The following GPC3 variants were observed in gnomAD, a reference collection of about 807,000 sequenced individuals.
GPC3 encodes glypican 3.
Under a neutral mutation model 34.4 loss-of-function variants are expected in GPC3, and 3 were observed. The ratio of observed to expected loss-of-function variants is 0.09; its 90% CI spans 0.04 to 0.23. GPC3 has a LOEUF of 0.23. Ranked by LOEUF, GPC3 falls within the 10% of genes least tolerant of loss-of-function variation. The pLI, the probability that GPC3 is intolerant of heterozygous loss-of-function variation, is 1.00. For synonymous variants in GPC3, 177 were observed against 174.0 expected, an observed-to-expected ratio of 1.02 and a Z score of -0.13; for missense variants, 351 against 445.6, an observed-to-expected ratio of 0.79 and a Z score of 1.91.
chrX:133,835,818 A>AG (rs1354035318), intron 2 of GPC3, among the ~76,000 whole-genome samples: 1 of 113,026 alleles, frequency 8.8e-6, no homozygotes, highest in Non-Finnish European at 1.9e-5. Context: ...AGGAAAAAAA[A>AG]TCATCCTTTC....
intron 2 of GPC3, among the ~76,000 whole-genome samples, chrX:133,770,297 T>G (rs1225009683): frequency 9.0e-6 from 1 of 111,035 alleles, no homozygotes; most frequent in African/African-American, 3.3e-5. Context: ...GCATGTGAGG[T>G]TCATGATTAA....
intron 4 of GPC3, among the ~76,000 whole-genome samples, chrX:133,695,376 T>C (rs1218834344): frequency 8.9e-6 from 1 of 112,218 alleles, no homozygotes; most frequent in Non-Finnish European, 1.9e-5. Flanking sequence ...CTAAGAACAA[T>C]TGAATTATAC....
In GPC3 at chrX:133,754,029, T is replaced by C. The variant is rs780431445; in HGVS notation, c.485A>G (p.Asn162Ser). The C allele has an allele frequency of 4.5e-5, 54 of 1,208,656 alleles. No homozygotes were observed. Among genetic ancestry groups the C allele is most frequent in the African/African-American group, 1.2e-4 (7 of 57,091 alleles). Residue 162 changes from asparagine to serine, a missense_variant, in exon 3 of 8, where the codon AAT becomes AGT. Physicochemically the swap from Asn to Ser is conservative, Grantham distance 46 (BLOSUM62 1). Transcript: ENST00000370818. ...CAATTCATTGACCATGTCATCTACA[T>C]TGATGTCAGAACCCAAGATGTAGAG... ...VSLYILGSDI[N>S]VDDMVNELFD...
At chrX:133,563,817 A>G (rs927976183) in intron 7 of GPC3, among the ~76,000 whole-genome samples, 2 of 112,064 alleles carry the variant, frequency 1.8e-5, no homozygotes, top group African/African-American at 6.5e-5. Context: ...GTTTTATTTA[A>G]CCAAGCTAAG....
rs756213198 is a variant in GPC3, at chrX:133,855,530, G to GATATATAT, written c.337+97512_337+97519dup. Among the ~76,000 whole-genome samples, 53 of 91,196 alleles carry GATATATAT rather than the reference G, an allele frequency of 5.8e-4. 1 individual carries two copies. The highest frequency in any genetic ancestry group is 1.8e-3 in the African/African-American group (43 of 23,974). 79.2% of individuals were successfully genotyped at this position (91,196 alleles called of 115,157 possible). ...TAAGTTATACAATATGCTGTTACAAGATATATATATATATATATAGTAAAA... is the reference window on the plus strand; with the variant it reads ...TAAGTTATACAATATGCTGTTACAAGATATATATATATATATATATATATATAGTAAAA... On this transcript the variant is annotated intron_variant, in intron 2 of 7. Transcript: ENST00000370818.
chrX:133,648,565 TC>T (rs2070567198), intron 6 of GPC3, among the ~76,000 whole-genome samples: 1 of 112,122 alleles, frequency 8.9e-6, no homozygotes, highest in African/African-American at 3.2e-5. Flanking sequence ...TGTTAACTGA[TC>T]TGACCATGTC....
At chrX:133,717,664 A>G (rs1190773960) in intron 3 of GPC3, among the ~76,000 whole-genome samples, 1 of 110,635 alleles carries the variant, frequency 9.0e-6, no homozygotes. Flanking sequence ...CTCACTCGGG[A>G]AGCTTGGTTG....
chrX:133,955,262 C>T (rs1364364933), intron 1 of GPC3, among the ~76,000 whole-genome samples: 1 of 111,145 alleles, frequency 9.0e-6, no homozygotes, highest in African/African-American at 3.3e-5. Context: ...CAGGACTTTG[C>T]TCACAGGGGA....
intron 2 of GPC3, among the ~76,000 whole-genome samples, chrX:133,878,500 T>C (rs1405338181): frequency 8.9e-6 from 1 of 112,252 alleles, no homozygotes. Context: ...AATTAAATAA[T>C]CCAAGTGTGG....
chrX:133,982,207 C>T (rs2076543701), intron 1 of GPC3, among the ~76,000 whole-genome samples: 1 of 111,944 alleles, frequency 8.9e-6, no homozygotes, highest in African/African-American at 3.2e-5. Context: ...ACAAAATAAA[C>T]ATCTAGACTT....
chrX:133,871,577 A>G (rs1298030809), intron 2 of GPC3, among the ~76,000 whole-genome samples: 1 of 111,842 alleles, frequency 8.9e-6, no homozygotes, highest in East Asian at 2.8e-4. Context: ...ATCACCACAA[A>G]CTGGTACCCC....
At chrX:133,648,633 T>C (rs1738166256) in intron 6 of GPC3, among the ~76,000 whole-genome samples, 1 of 111,668 alleles carries the variant, frequency 9.0e-6, no homozygotes, top group Non-Finnish European at 1.9e-5. Context: ...AAAGCTCAGA[T>C]TCCTTAGTAT....
At position 133,754,156 on chromosome X, in the gene GPC3, G is replaced by A. The variant is rs587778392; in HGVS notation, c.358C>T (p.Arg120Cys). ...VFQEAFEIVV[R>C]HAKNYTNAMF... The stretch of plus-strand genomic sequence containing the variant: ...GCATTGGTGTAGTTCTTGGCATGGC[G>A]AACAACAATTTCAAAGGCCTCTGTA... Residue 120 changes from arginine (R) to cysteine (C), a missense_variant, in exon 3 of 8, where the codon CGC becomes TGC. By Grantham distance (180) the Arg-to-Cys change is radical. Coordinates refer to ENST00000370818, the MANE Select transcript of GPC3 (RefSeq NM_004484.4). The A allele has an allele frequency of 2.1e-4, 245 of 1,156,281 alleles. 1 individual carries two copies. The South Asian group carries it at 2.9e-3, about 14-fold the overall frequency.
intron 2 of GPC3, among the ~76,000 whole-genome samples, chrX:133,925,269 A>T (rs2076270273): frequency 9.1e-6 from 1 of 109,938 alleles, no homozygotes; most frequent in African/African-American, 3.3e-5. Flanking sequence ...TGGGCTGAAA[A>T]CCAGAGAAAT....
chrX:133,632,874 G>C (rs1436830440), intron 6 of GPC3, among the ~76,000 whole-genome samples: 3 of 111,131 alleles, frequency 2.7e-5, no homozygotes, highest in Admixed American at 9.6e-5. Flanking sequence ...ATATGTCTCT[G>C]TGTGTGTGTG....
chrX:133,700,272 G>A (rs1258204777), intron 3 of GPC3, among the ~76,000 whole-genome samples: 1 of 111,592 alleles, frequency 9.0e-6, no homozygotes, highest in Non-Finnish European at 1.9e-5. Flanking sequence ...ATAAAAAATG[G>A]CTTTTTTTCT....
At chrX:133,622,691 C>T (rs186560498) in intron 6 of GPC3, among the ~76,000 whole-genome samples, 2 of 111,905 alleles carry the variant, frequency 1.8e-5, no homozygotes, top group East Asian at 2.8e-4. Flanking sequence ...CTACGTCTGA[C>T]TGGTGTACCT....
intron 6 of GPC3, among the ~76,000 whole-genome samples, chrX:133,653,939 T>G (rs942666551): frequency 1.8e-5 from 2 of 111,703 alleles, no homozygotes; most frequent in African/African-American, 6.5e-5. Context: ...GTGTTGTCAT[T>G]TACTGGTAGT....
intron 6 of GPC3, among the ~76,000 whole-genome samples, chrX:133,643,890 C>T (rs1424721384): frequency 6.7e-5 from 7 of 104,459 alleles, no homozygotes; most frequent in Non-Finnish European, 9.6e-5. Flanking sequence ...TGCAGTGGCG[C>T]GATCTTGGCT....
Sources: gnomAD v4.1 joint callset for allele counts (sites outside exome capture counted in the v4.1 genomes callset) on GRCh38, gnomAD v4.1.1 for gene constraint, MANE v1.5 for transcripts, NCBI Gene and HGNC (gene_info 2026-07-23, HGNC 2026-07-21) for gene names.